The following RNF157 variants were observed in gnomAD, a reference collection of about 807,000 sequenced individuals.
RNF157 encodes the protein ring finger protein 157.
In RNF157, 55 loss-of-function variants were observed where a neutral mutation model predicts 88.3. The observed-to-expected ratio is 0.62, with a 90% CI of 0.50 to 0.78. The LOEUF is 0.78. Among genes scored for constraint, RNF157 ranks in the 30% least tolerant of loss-of-function variants. The probability of loss-of-function intolerance (pLI) is 0.00; values close to 1 mark genes in which losing one functional copy is unlikely to be tolerated. For missense variants in RNF157, 788 were observed against 860.8 expected (o/e 0.92, Z 1.06); for synonymous variants, 334 against 341.2 (o/e 0.98, Z 0.23).
At chr17:76,219,423 G>A (rs780488971) in intron 1 of RNF157, among the ~76,000 whole-genome samples, 7 of 151,892 alleles carry the variant, frequency 4.6e-5, no homozygotes, top group Non-Finnish European at 1.0e-4. Flanking sequence ...TACCATGTGT[G>A]TAAGGAAGAG....
Position 76,239,538 on chromosome 17 carries a change from CA to C in RNF157, c.88+614del, listed in dbSNP as rs1332932615. On this transcript the variant is annotated intron_variant, in intron 1 of 18. Coordinates refer to ENST00000269391, the MANE Select transcript of RNF157 (RefSeq NM_052916.3). ...CATTTCTGTTACTTTCCACCACCAC[CA>C]CCCCCCCCACCCCCCGGCTTCTGAC... Among the ~76,000 whole-genome samples, 10 of 143,960 alleles carry C rather than the reference CA, an allele frequency of 6.9e-5. No individual in the cohort carries two copies. The South Asian group carries it at 1.1e-3, about 16-fold the overall frequency. The allele number at this position is 143,960 out of a possible 152,430, so 94.4% of individuals were successfully genotyped here. A position where few individuals can be genotyped will look rare whatever the true frequency, so the allele number is the denominator to read the frequency against.
intron 18 of RNF157, among the ~76,000 whole-genome samples, chr17:76,148,970 C>T (rs939227249): frequency 4.6e-5 from 7 of 152,182 alleles, no homozygotes; most frequent in Non-Finnish European, 1.0e-4. Context: ...CTGCCAAACT[C>T]CTCAGAGCCA....
chr17:76,199,781 C>T (rs904599912), intron 2 of RNF157, among the ~76,000 whole-genome samples: 3 of 152,028 alleles, frequency 2.0e-5, no homozygotes, highest in South Asian at 2.1e-4. Flanking sequence ...TCTGAAGATC[C>T]ACCTACCATA....
chr17:76,145,353 C>A lies in RNF157; in HGVS notation c.1922G>T (p.Gly641Val). The change falls in exon 19 of 19, where the codon GGT (glycine) becomes GTT (valine). Residue 641 changes from glycine to valine, a missense_variant and splice_region_variant. Physicochemically the swap from Gly to Val is moderately radical, Grantham distance 109. Transcript: ENST00000269391. ...GGCATTGTCATCAGCCTGCCAGGCACCTGGGGAAGAGAAAATGAACATTAC... is the reference window on the plus strand; with the variant it reads ...GGCATTGTCATCAGCCTGCCAGGCAACTGGGGAAGAGAAAATGAACATTAC... ...NKLCSEVCLP[G>V]AWQADDNAVS... 1.2e-6 allele frequency: 2 copies of A among 1,610,670 alleles called. No homozygotes were observed. The highest frequency in any genetic ancestry group is 8.5e-7 in the Non-Finnish European group (1 of 1,177,924).
intron 1 of RNF157, among the ~76,000 whole-genome samples, chr17:76,219,007 T>C (rs2145043678): frequency 1.3e-5 from 2 of 151,598 alleles, no homozygotes. Context: ...AGAAGGGGGA[T>C]GGATAGCAGA....
chr17:76,170,066 T>A (rs991334895), intron 3 of RNF157, among the ~76,000 whole-genome samples: 1 of 152,220 alleles, frequency 6.6e-6, no homozygotes, highest in Non-Finnish European at 1.5e-5. Flanking sequence ...CCTGGATCTG[T>A]TGAGGAACCT....
intron 1 of RNF157, among the ~76,000 whole-genome samples, chr17:76,236,972 G>A (rs2070293664): frequency 6.6e-6 from 1 of 152,194 alleles, no homozygotes; most frequent in South Asian, 2.1e-4. Context: ...AGGTTTAGAG[G>A]GAGGAAGGAG....
chr17:76,213,569 C>CA lies in RNF157; in HGVS notation c.89-1088dup, dbSNP rs532739758. Among the ~76,000 whole-genome samples the CA allele has an allele frequency of 7.4e-3, 559 of 75,944 alleles. 2 individuals carry two copies. Among genetic ancestry groups the CA allele is most frequent in the Middle Eastern group, 0.022 (2 of 92 alleles). The allele number at this position is 75,944 out of a possible 152,430, so 49.8% of individuals were successfully genotyped here. A position where few individuals can be genotyped will look rare whatever the true frequency, so the allele number is the denominator to read the frequency against. Reference sequence around the variant, plus strand: ...TAGGTGACAGAGCAAAACTCCATCTCAAAAAAAAAAAAAAAAAATGCTTGG... The same window carrying CA: ...TAGGTGACAGAGCAAAACTCCATCTCAAAAAAAAAAAAAAAAAAATGCTTGG... On this transcript the variant is annotated intron_variant, in intron 1 of 18. Transcript: ENST00000269391.
At chr17:76,210,326 G>T (rs946941629) in intron 2 of RNF157, among the ~76,000 whole-genome samples, 4 of 152,048 alleles carry the variant, frequency 2.6e-5, no homozygotes, top group Non-Finnish European at 5.9e-5. Context: ...GGGCGCAGTG[G>T]CTCATGCCTG....
At chr17:76,148,730 C>T (rs1430576735) in intron 18 of RNF157, among the ~76,000 whole-genome samples, 1 of 152,124 alleles carries the variant, frequency 6.6e-6, no homozygotes, top group Non-Finnish European at 1.5e-5. Flanking sequence ...GCCACCAAGC[C>T]TGGCTAATTT....
chr17:76,156,095 C>T, intron 14 of RNF157, 115 bp downstream of exon 14: 1 of 767,806 alleles, frequency 1.3e-6, no homozygotes, highest in East Asian at 2.5e-5. Context: ...GCCTACTTGT[C>T]ATGCAGTACA....
intron 1 of RNF157, among the ~76,000 whole-genome samples, chr17:76,234,722 T>C (rs1471822465): frequency 1.3e-5 from 2 of 152,240 alleles, no homozygotes; most frequent in Non-Finnish European, 2.9e-5. Flanking sequence ...GTCTTTTTAT[T>C]ATTGAGCATA....
In RNF157 at chr17:76,143,125, A is replaced by C. The variant is rs1029298474; in HGVS notation, c.*2110T>G. On this transcript the variant is annotated 3_prime_UTR_variant, in exon 19 of 19. Transcript: ENST00000269391. ...CAAGAGAAGGCAGGGGGAGGGAGGA[A>C]GAGGAGAAATAGTAACTGAGAAACA... The C allele has an allele frequency of 1.3e-5, 2 of 152,436 alleles. No individual in the cohort carries two copies. Among genetic ancestry groups the C allele is most frequent in the Non-Finnish European group, 2.9e-5 (2 of 68,156 alleles). The allele number at this position is 152,436 out of a possible 1,614,324, so 9.4% of individuals were successfully genotyped here. A position where few individuals can be genotyped will look rare whatever the true frequency, so the allele number is the denominator to read the frequency against.
intron 11 of RNF157, among the ~76,000 whole-genome samples, 176 bp from the exon 12 acceptor site, chr17:76,159,749 C>T (rs530822523): frequency 1.1e-4 from 17 of 152,206 alleles, no homozygotes; most frequent in East Asian, 3.9e-4. Flanking sequence ...ACTGTAGATC[C>T]TGCTTATTGG....
At chr17:76,177,181 G>GC (rs2069117912) in intron 2 of RNF157, among the ~76,000 whole-genome samples, 1 of 152,146 alleles carries the variant, frequency 6.6e-6, no homozygotes. Context: ...GCCCCAGGCT[G>GC]CAAGGGGGTG....
At chr17:76,173,646 CCCAGCCT>C (rs1181029888) in intron 3 of RNF157, 49 bp downstream of exon 3, 4 of 1,371,626 alleles carry the variant, frequency 2.9e-6, no homozygotes, top group Non-Finnish European at 4.1e-6. Context: ...TCCCCCAGCC[CCCAGCCT>C]CCCCAAAGGA....
In RNF157 at chr17:76,145,195, A is replaced by T; in HGVS notation, c.*40T>A. 7.4e-7 allele frequency: 1 copy of T among 1,349,658 alleles called. No homozygotes were observed. The highest frequency in any genetic ancestry group is 1.1e-6 in the Non-Finnish European group (1 of 949,054). 83.6% of individuals were successfully genotyped at this position (1,349,658 alleles called of 1,614,324 possible). ...CAGCAGCTGAGTGAGGATGGATGGA[A>T]TGCAGGGCAGGAGGGGAGCCCAAGT... On this transcript the variant is annotated 3_prime_UTR_variant, in exon 19 of 19. Coordinates refer to ENST00000269391, the MANE Select transcript of RNF157 (RefSeq NM_052916.3).
chr17:76,190,929 C>T (rs899013032), intron 2 of RNF157, among the ~76,000 whole-genome samples: 12 of 151,312 alleles, frequency 7.9e-5, no homozygotes, highest in Admixed American at 5.3e-4. Flanking sequence ...AAAGTTTACA[C>T]GGCTGAATGC....
rs778986851 is a variant in RNF157, at chr17:76,167,048, G to A, written c.522C>T (p.Pro174=). 4 of 1,612,406 alleles carry A rather than the reference G, an allele frequency of 2.5e-6. No individual in the cohort carries two copies. The highest frequency in any genetic ancestry group is 3.3e-5 in the Admixed American group (2 of 59,796). The change falls in exon 5 of 19, where the codon CCC becomes CCT. Residue 174 remains proline, a synonymous_variant. Coordinates refer to ENST00000269391, the MANE Select transcript of RNF157 (RefSeq NM_052916.3). ...ACTCGGAGGGATCCACGGTGTGGGAGGGCAGGCAGAACTGCTGACACACTC... is the reference window on the plus strand; with the variant it reads ...ACTCGGAGGGATCCACGGTGTGGGAAGGCAGGCAGAACTGCTGACACACTC... ...KRGVCQQFCL[P]SHTVDPSEWA... is the part of the protein sequence containing the mutation.
Sources: allele counts gnomAD v4.1 joint callset (sites outside exome capture counted in the v4.1 genomes callset), GRCh38; gene constraint gnomAD v4.1.1; transcripts MANE v1.5; gene names NCBI Gene and HGNC (gene_info 2026-07-23, HGNC 2026-07-21).